Variants in GRAMD1A observed in about 807,000 individuals in gnomAD.
The protein encoded by GRAMD1A is protein Aster-A.
A neutral mutation model predicts 92.0 loss-of-function variants in GRAMD1A; 50 were observed. That is an observed-to-expected ratio of 0.54 (90% CI 0.43 to 0.69). The LOEUF (loss-of-function observed/expected upper bound fraction) is 0.69, where lower values mean the gene tolerates loss of function less well. Among genes scored for constraint, GRAMD1A ranks in the 30% least tolerant of loss-of-function variants. GRAMD1A has a pLI of 0.00. For synonymous variants in GRAMD1A, 405 were observed against 403.6 expected (o/e 1.00, Z -0.04); for missense variants, 819 against 978.9 (o/e 0.84, Z 2.18).
rs758601070 is a variant in GRAMD1A at position 35,019,454 on chromosome 19, G to A, written c.1396G>A (p.Gly466Ser). Residue 466 changes from glycine to serine, a missense_variant, in exon 13 of 20, where the codon GGC becomes AGC. Transcript: ENST00000317991. ...GGTGGACTCCGAGGTGCTGACGCAG[G>A]GCATCCCCTACCAGGACTACTTCTA... ...CVVDSEVLTQ[G>S]IPYQDYFYTA... The A allele has an allele frequency of 1.2e-6, 2 of 1,613,944 alleles. No homozygotes were observed. The highest frequency in any genetic ancestry group is 1.7e-6 in the Non-Finnish European group (2 of 1,179,926).
At chr19:35,011,326 A>G in intron 6 of GRAMD1A, 148 bp from the exon 7 acceptor site, 1 of 749,876 alleles carries the variant, frequency 1.3e-6, no homozygotes, top group Non-Finnish European at 2.4e-6. Context: ...CGCAGGACAG[A>G]CGTTTTGTGG....
In GRAMD1A at chr19:35,021,732, G is replaced by A; in HGVS notation, c.1621G>A (p.Gly541Ser). 2 of 1,614,008 alleles carry A rather than the reference G, an allele frequency of 1.2e-6. No homozygotes were observed. Among genetic ancestry groups the A allele is most frequent in the Non-Finnish European group, 1.7e-6 (2 of 1,180,018 alleles). Residue 541 changes from glycine (G) to serine (S), a missense_variant, in exon 15 of 20, where the codon GGC (glycine) becomes AGC (serine). Gly to Ser is a moderately conservative substitution (Grantham distance 56, BLOSUM62 0). Transcript: ENST00000317991. The surrounding 1 kb of genome is among the most constrained non-coding windows in gnomAD (Gnocchi z 5.3). ...GGCTGAGAAGCTGTCTCTGGAGGAA[G>A]GCGGGAAGGATGCCCGGGGCTTGCT... ...AKAEKLSLEEGGKDARGLLSG... is the reference protein window; with the variant it reads ...AKAEKLSLEESGKDARGLLSG...
At chr19:35,026,013 C>A in intron 19 of GRAMD1A, 36 bp from the exon 20 acceptor site, 1 of 1,070,894 alleles carries the variant, frequency 9.3e-7, no homozygotes, top group Non-Finnish European at 1.5e-6. Context: ...CAGCCTCCAG[C>A]GTTCACCCCC....
chr19:35,016,922 A>AAAG (rs2015679214), intron 11 of GRAMD1A, among the ~76,000 whole-genome samples: 1 of 148,614 alleles, frequency 6.7e-6, no homozygotes, highest in African/African-American at 2.5e-5. Flanking sequence ...AAAAAAAAAA[A>AAAG]GGTGGGAGGA....
rs114283905 is a variant in GRAMD1A, at chr19:35,011,757, C to T, written c.606+203C>T. ...AGGGACATGAATTGGTGTAAACCGT[C>T]GTAATTCTTCCCTGGGGCTGGGAAT... On this transcript the variant is annotated intron_variant, in intron 7 of 19. Transcript: ENST00000317991. Among the ~76,000 whole-genome samples the T allele has an allele frequency of 5.8e-3, 885 of 152,338 alleles. 8 individuals are homozygous for T. The highest frequency in any genetic ancestry group is 0.02 in the African/African-American group (827 of 41,578).
intron 1 of GRAMD1A, among the ~76,000 whole-genome samples, chr19:35,005,691 A>T (rs543748786): frequency 6.6e-6 from 1 of 152,294 alleles, no homozygotes; most frequent in East Asian, 1.9e-4. Flanking sequence ...CAAGTGTTAC[A>T]TGAGTGCCTA....
Position 35,013,576 on chromosome 19 carries a change from G to T in GRAMD1A, c.755G>T (p.Ser252Ile). 6.2e-7 allele frequency: 1 copy of T among 1,612,774 alleles called. No homozygotes were observed. Among genetic ancestry groups the T allele is most frequent in the East Asian group, 2.2e-5 (1 of 44,878 alleles). Residue 252 changes from serine to isoleucine, a missense_variant, in exon 9 of 20, where the codon AGC becomes ATC. Physicochemically the swap from Ser to Ile is moderately radical, Grantham distance 142. This residue lies in a region of GRAMD1A where 577 missense variants were observed against 674.6 expected (regional missense o/e 0.86). Transcript: ENST00000317991. This position sits in a 1 kb window ranked among gnomAD's most constrained non-coding sequence, Gnocchi z 4.9. ...GAAGTGGGAGATGTGATCGCCCTGA[G>T]CGACATCACCTCCTCGGGGGCAGCT... is the stretch of plus-strand genomic sequence containing the variant. ...PKEVGDVIAL[S>I]DITSSGAADR... is the part of the protein sequence containing the mutation.
At chr19:35,019,116 G>C in intron 11 of GRAMD1A, 75 bp from the exon 12 acceptor site, 1 of 962,680 alleles carries the variant, frequency 1.0e-6, no homozygotes, top group South Asian at 1.5e-5. Context: ...AGACCTCCCA[G>C]AAGGCTGAGT....
chr19:35,000,489 A>G lies in GRAMD1A; in HGVS notation c.8+3A>G, dbSNP rs2014272507. ...CACCGCGCCGCATCCATGTTCGAGT[A>G]AGGACCGGGCGACTAGAGCTCAGGG... On this transcript the variant is annotated splice_donor_region_variant and intron_variant, in intron 1 of 19. Transcript: ENST00000317991. This position sits in a 1 kb window ranked among gnomAD's most constrained non-coding sequence, Gnocchi z 4.9. 2.4e-6 allele frequency: 3 copies of G among 1,274,512 alleles called. No individual in the cohort carries two copies. Among genetic ancestry groups the G allele is most frequent in the East Asian group, 3.3e-5 (1 of 30,192 alleles). The allele number at this position is 1,274,512 out of a possible 1,614,324, so 79.0% of individuals were successfully genotyped here. A position where few individuals can be genotyped will look rare whatever the true frequency, so the allele number is the denominator to read the frequency against.
chr19:35,023,059 T>G, intron 17 of GRAMD1A, 148 bp downstream of exon 17: 1 of 838,270 alleles, frequency 1.2e-6, no homozygotes, highest in East Asian at 2.4e-5. Context: ...GACCTGGGTT[T>G]GAACACTGAC....
At chr19:35,000,312 G>A (rs2014245640), upstream of GRAMD1A, 4 of 1,048,184 alleles carry the variant, frequency 3.8e-6, no homozygotes, top group Non-Finnish European at 4.6e-6. The surrounding 1 kb of genome is among the most constrained non-coding windows in gnomAD (Gnocchi z 4.9). Context: ...GCGGCCTCCG[G>A]CGGCTCCGGC....
In GRAMD1A at chr19:35,013,541, GA is replaced by G. The variant is rs1359226096; in HGVS notation, c.721del (p.Thr241ProfsTer8). On this transcript the variant is annotated frameshift_variant and splice_region_variant, in exon 9 of 20. Transcript: ENST00000317991. LOFTEE classifies it high-confidence loss of function. This position sits in a 1 kb window ranked among gnomAD's most constrained non-coding sequence, Gnocchi z 4.9. ...TCCCGCTTCCTCCCCTTTCCCACAG[GA>G]CCCCCAAGGAAGTGGGAGATGTGAT... ...VSPLQLNGLG[T>X]PKEVGDVIAL... 13 of 1,599,598 alleles carry G rather than the reference GA, an allele frequency of 8.1e-6. No individual in the cohort carries two copies. Among genetic ancestry groups the G allele is most frequent in the Non-Finnish European group, 9.4e-6 (11 of 1,170,574 alleles).
Position 35,010,359 on chromosome 19 carries a change from A to G in GRAMD1A, c.505A>G (p.Ile169Val), listed in dbSNP as rs2015139584. The change falls in exon 6 of 20, where the codon ATC becomes GTC. Residue 169 changes from isoleucine (I) to valine (V), a missense_variant. Ile to Val is a conservative substitution (Grantham distance 29). Around this residue, in one of 3 missense-constraint regions of GRAMD1A, gnomAD observed 144 missense variants for 220.3 expected, o/e 0.65. Coordinates refer to ENST00000317991, the MANE Select transcript of GRAMD1A (RefSeq NM_020895.5). ...TAKLIPNAIQ[I>V]CTESEKHFFT... ...CAAGCTGATCCCCAACGCCATCCAG[A>G]TCTGCACGGAGAGCGAGAAGGTGAC... is the stretch of plus-strand genomic sequence containing the variant. The G allele has an allele frequency of 6.2e-7, 1 of 1,613,050 alleles. No individual in the cohort carries two copies. Among genetic ancestry groups the G allele is most frequent in the African/African-American group, 1.3e-5 (1 of 74,900 alleles).
Position 35,009,248 on chromosome 19 carries a change from T to C in GRAMD1A, c.138T>C (p.Asp46=), listed in dbSNP as rs187877221. Residue 46 remains aspartate, a synonymous_variant, in exon 2 of 20, where the codon GAT becomes GAC. Coordinates refer to ENST00000317991, the MANE Select transcript of GRAMD1A (RefSeq NM_020895.5). ...EPGTMVEKGS[D]SSSEKGGVPG... The stretch of plus-strand genomic sequence containing the variant: ...GCACCATGGTGGAGAAGGGATCAGA[T>C]AGCTCCTCAGAGAAGGGTGGGGTGC... 31 of 1,614,044 alleles carry C rather than the reference T, an allele frequency of 1.9e-5. No individual in the cohort carries two copies. The East Asian group carries it at 4.7e-4, about 24-fold the overall frequency.
intron 1 of GRAMD1A, among the ~76,000 whole-genome samples, chr19:35,005,710 C>T (rs2014762146): frequency 6.6e-6 from 1 of 152,168 alleles, no homozygotes; most frequent in African/African-American, 2.4e-5. Context: ...TACCCTGCAT[C>T]CTGTCCCGCA....
At chr19:35,011,016 G>A (rs1357873725) in intron 6 of GRAMD1A, among the ~76,000 whole-genome samples, 1 of 150,354 alleles carries the variant, frequency 6.7e-6, no homozygotes, top group Non-Finnish European at 1.5e-5. Flanking sequence ...ACAGGAGGAT[G>A]GCTTGAGCCC....
chr19:35,024,082 G>A (rs970330642), intron 19 of GRAMD1A, among the ~76,000 whole-genome samples: 1 of 152,208 alleles, frequency 6.6e-6, no homozygotes, highest in Non-Finnish European at 1.5e-5. Flanking sequence ...TCTCCAAAAC[G>A]GAGTGGACCC....
intron 17 of GRAMD1A, 53 bp from the exon 18 acceptor site, chr19:35,023,183 G>T (rs2016195837): frequency 8.0e-7 from 1 of 1,244,438 alleles, no homozygotes; most frequent in East Asian, 2.3e-5. Context: ...TTGTTTGGGG[G>T]TGTTCAGAGC....
At chr19:35,003,143 C>T (rs1024039354) in intron 1 of GRAMD1A, among the ~76,000 whole-genome samples, 10 of 141,074 alleles carry the variant, frequency 7.1e-5, no homozygotes, top group Non-Finnish European at 1.2e-4. Context: ...TTGCTCTGTG[C>T]GTGTGTGTGT....
Sources: gnomAD v4.1 joint callset for allele counts (sites outside exome capture counted in the v4.1 genomes callset) on GRCh38, gnomAD v4.1.1 for gene constraint, gnomAD v4.1.1 regional missense constraint, Gnocchi (gnomAD v3.1) non-coding constraint, MANE v1.5 for transcripts, NCBI Gene and HGNC (gene_info 2026-07-23, HGNC 2026-07-21) for gene names.